MACROD2: variants seen among roughly 807,000 people sequenced by gnomAD.
The protein encoded by MACROD2 is ADP-ribose glycohydrolase MACROD2.
In MACROD2, 36 loss-of-function variants were observed where a neutral mutation model predicts 70.4. That is an observed-to-expected ratio of 0.51 (90% CI 0.39 to 0.68). MACROD2 has a LOEUF of 0.68. Among genes scored for constraint, MACROD2 ranks in the 30% least tolerant of loss-of-function variants. MACROD2 has a pLI of 0.00. For synonymous variants in MACROD2, 172 were observed against 178.8 expected (o/e 0.96, Z 0.30); for missense variants, 496 against 538.4 (o/e 0.92, Z 0.78).
chr20:14,810,257 C>T (rs2122170891), intron 5 of MACROD2, among the ~76,000 whole-genome samples: 1 of 152,214 alleles, frequency 6.6e-6, no homozygotes, highest in South Asian at 2.1e-4. Flanking sequence ...AAGTCGGCTT[C>T]ATCCCTGGGA....
At chr20:14,381,157 T>A (rs2083417083) in intron 3 of MACROD2, among the ~76,000 whole-genome samples, 1 of 152,206 alleles carries the variant, frequency 6.6e-6, no homozygotes, top group East Asian at 1.9e-4. Flanking sequence ...TGGATTGATA[T>A]AAGGTTATTT....
At chr20:15,476,790 G>A (rs1330747947) in intron 7 of MACROD2, among the ~76,000 whole-genome samples, 1 of 152,172 alleles carries the variant, frequency 6.6e-6, no homozygotes, top group Non-Finnish European at 1.5e-5. Context: ...AATGTCTTCA[G>A]GTGTTTGAAA....
rs553706944 is a variant in MACROD2, at chr20:15,842,116, C to T, written c.646-20629C>T. 2.0e-5 allele frequency among the ~76,000 whole-genome samples: 3 copies of T among 152,188 alleles called. No homozygotes were observed. The South Asian group carries it at 6.2e-4, about 32-fold the overall frequency. ...CTCTATTCCTGGGGCCATAGCAGCA[C>T]AATCCAGCAAGAGAGTGACACAAGG... On this transcript the variant is annotated intron_variant, in intron 8 of 17. Transcript: ENST00000684519.
Position 14,115,129 on chromosome 20 carries a change from T to C in MACROD2, c.271+29401T>C, listed in dbSNP as rs141621118. Among the ~76,000 whole-genome samples the C allele has an allele frequency of 3.3e-3, 508 of 152,176 alleles. 6 individuals are homozygous for C. Among genetic ancestry groups the C allele is most frequent in the African/African-American group, 0.012 (489 of 41,532 alleles). On this transcript the variant is annotated intron_variant, in intron 3 of 17. Transcript: ENST00000684519. ...TTCTCCTCCTTTCCTACAAGAGCAG[T>C]GGTTGCGTCAAAGGTTCAGTGGGTA... is the stretch of plus-strand genomic sequence containing the variant.
chr20:15,390,355 C>T (rs779156749), intron 6 of MACROD2, among the ~76,000 whole-genome samples: 15 of 152,168 alleles, frequency 9.9e-5, no homozygotes, highest in Non-Finnish European at 2.1e-4. Context: ...TCCCCCATTA[C>T]ATTCACCAGT....
chr20:14,955,611 GT>G (rs1359237033), intron 5 of MACROD2, among the ~76,000 whole-genome samples: 1 of 152,012 alleles, frequency 6.6e-6, no homozygotes, highest in Non-Finnish European at 1.5e-5. Flanking sequence ...ATCTACCAGT[GT>G]TCACCCTTCC....
intron 8 of MACROD2, among the ~76,000 whole-genome samples, chr20:15,585,208 T>TC (rs2048581297): frequency 1.3e-5 from 2 of 151,282 alleles, no homozygotes; most frequent in African/African-American, 2.4e-5. Flanking sequence ...TTTTCTTTTT[T>TC]TTTTTTTTAG....
At chr20:15,647,635 G>C (rs1485312763) in intron 8 of MACROD2, among the ~76,000 whole-genome samples, 1 of 151,986 alleles carries the variant, frequency 6.6e-6, no homozygotes, top group Non-Finnish European at 1.5e-5. Flanking sequence ...TGTGGGAAAA[G>C]TATGTGCTAA....
intron 7 of MACROD2, among the ~76,000 whole-genome samples, chr20:15,446,965 A>T (rs2046574223): frequency 6.6e-6 from 1 of 152,110 alleles, no homozygotes; most frequent in South Asian, 2.1e-4. Flanking sequence ...GATCCAGGAA[A>T]TGTAAAAATA....
intron 8 of MACROD2, among the ~76,000 whole-genome samples, chr20:15,664,901 A>T (rs1447689379): frequency 6.6e-6 from 1 of 152,216 alleles, no homozygotes; most frequent in Non-Finnish European, 1.5e-5. Flanking sequence ...GTAAAGATAC[A>T]GAATACATGA....
chr20:15,304,162 A>G (rs955162214), intron 6 of MACROD2, among the ~76,000 whole-genome samples: 5 of 151,746 alleles, frequency 3.3e-5, no homozygotes, highest in Admixed American at 3.3e-4. Flanking sequence ...TTATTTATTT[A>G]TTTTAATTTT....
intron 5 of MACROD2, among the ~76,000 whole-genome samples, chr20:15,147,502 T>C (rs1380390437): frequency 3.4e-5 from 5 of 146,112 alleles, no homozygotes; most frequent in Non-Finnish European, 7.5e-5. Context: ...TTCCAACAGA[T>C]TTTTTTTCCT....
chr20:14,523,911 A>T (rs1268947922), intron 4 of MACROD2, among the ~76,000 whole-genome samples: 2 of 152,100 alleles, frequency 1.3e-5, no homozygotes, highest in Non-Finnish European at 2.9e-5. Flanking sequence ...TTGCCCTTAG[A>T]TCCTTCCTGA....
intron 8 of MACROD2, among the ~76,000 whole-genome samples, chr20:15,753,758 C>G (rs1226123781): frequency 6.6e-6 from 1 of 152,224 alleles, no homozygotes; most frequent in Non-Finnish European, 1.5e-5. Context: ...CCCCTTTTCT[C>G]TGCAGCCTCA....
intron 5 of MACROD2, among the ~76,000 whole-genome samples, chr20:14,782,178 C>T (rs769031612): frequency 1.3e-5 from 2 of 151,940 alleles, no homozygotes; most frequent in Non-Finnish European, 2.9e-5. Flanking sequence ...CCTGATTTGG[C>T]CTCCCAAAGT....
chr20:15,020,492 G>C (rs1288968817), intron 5 of MACROD2, among the ~76,000 whole-genome samples: 1 of 152,080 alleles, frequency 6.6e-6, no homozygotes, highest in African/African-American at 2.4e-5. Flanking sequence ...CTAAGTGAAG[G>C]AAGCCAATTT....
chr20:14,095,373 G>T (rs1219592859), intron 3 of MACROD2, among the ~76,000 whole-genome samples: 3 of 152,196 alleles, frequency 2.0e-5, no homozygotes, highest in Non-Finnish European at 2.9e-5. Flanking sequence ...TGGAATTAAA[G>T]ACATAGATTA....
At chr20:15,478,573 G>A (rs376649854) in intron 7 of MACROD2, among the ~76,000 whole-genome samples, 1 of 133,934 alleles carries the variant, frequency 7.5e-6, no homozygotes, top group Admixed American at 7.7e-5. Context: ...GTGTGTGTGT[G>A]TTTCTTCCTC....
intron 5 of MACROD2, among the ~76,000 whole-genome samples, chr20:14,868,746 T>G (rs980514371): frequency 6.6e-6 from 1 of 152,126 alleles, no homozygotes; most frequent in African/African-American, 2.4e-5. Flanking sequence ...TGATAGCTCC[T>G]CCTCAACTCA....
Sources: gnomAD v4.1 joint callset for allele counts (sites outside exome capture counted in the v4.1 genomes callset) on GRCh38, gnomAD v4.1.1 for gene constraint, MANE v1.5 for transcripts, NCBI Gene and HGNC (gene_info 2026-07-23, HGNC 2026-07-21) for gene names.